Variants in NFKB1 observed in about 807,000 individuals in gnomAD.
NFKB1 encodes nuclear factor NF-kappa-B p105 subunit.
In NFKB1, 9 loss-of-function variants were observed where a neutral mutation model predicts 105.1. That is an observed-to-expected ratio of 0.09 (90% CI 0.05 to 0.15). The LOEUF is 0.15. Among genes scored for constraint, NFKB1 ranks in the 10% least tolerant of loss-of-function variants. NFKB1 has a pLI of 1.00. For synonymous variants in NFKB1, 440 were observed against 442.2 expected (o/e 1.00, Z 0.06); for missense variants, 830 against 1,203.7 (o/e 0.69, Z 4.59).
At chr4:102,569,957 A>G (rs1724192309) in intron 6 of NFKB1, among the ~76,000 whole-genome samples, 2 of 152,122 alleles carry the variant, frequency 1.3e-5, no homozygotes, top group South Asian at 4.1e-4. Flanking sequence ...AATAATAATA[A>G]TAATCTTAGT....
intron 6 of NFKB1, among the ~76,000 whole-genome samples, chr4:102,573,308 CA>C (rs957997459): frequency 6.6e-6 from 1 of 150,592 alleles, no homozygotes; most frequent in African/African-American, 2.4e-5. Context: ...AACTCCGTCT[CA>C]AAAAAAAAGA....
intron 9 of NFKB1, 61 bp downstream of exon 9, chr4:102,580,700 A>G: frequency 7.4e-7 from 1 of 1,347,048 alleles, no homozygotes; most frequent in South Asian, 1.2e-5. Context: ...TACAGTTCTG[A>G]GTGTGTCTGT....
chr4:102,561,136 G>C (rs1024117643), intron 5 of NFKB1, among the ~76,000 whole-genome samples: 2 of 152,090 alleles, frequency 1.3e-5, no homozygotes, highest in African/African-American at 4.8e-5. Flanking sequence ...TATCTTATTT[G>C]GTAAAGGTCA....
At chr4:102,554,494 A>G (rs1031741530) in intron 5 of NFKB1, among the ~76,000 whole-genome samples, 2 of 152,138 alleles carry the variant, frequency 1.3e-5, no homozygotes, top group Admixed American at 6.5e-5. Flanking sequence ...CAGACTCTCT[A>G]TAAACTGTGC....
chr4:102,529,797 A>T, intron 2 of NFKB1, 39 bp from the exon 3 acceptor site: 1 of 1,456,762 alleles, frequency 6.9e-7, no homozygotes, highest in Non-Finnish European at 9.4e-7. Context: ...TAATATAGGA[A>T]AAATAATGAT....
chr4:102,514,449 G>A (rs1459106351), intron 1 of NFKB1, among the ~76,000 whole-genome samples: 2 of 152,002 alleles, frequency 1.3e-5, no homozygotes, highest in African/African-American at 2.4e-5. Context: ...TTGCCTTTCC[G>A]CCCTCTGCCA....
At chr4:102,612,312 CAAGTA>C in intron 21 of NFKB1, 117 bp from the exon 22 acceptor site, 1 of 1,093,156 alleles carries the variant, frequency 9.1e-7, no homozygotes, top group South Asian at 1.5e-5. Context: ...CTTTGACCTT[CAAGTA>C]GAGTAGCTTG....
At chr4:102,512,312 T>G (rs193171500) in intron 1 of NFKB1, among the ~76,000 whole-genome samples, 1 of 152,314 alleles carries the variant, frequency 6.6e-6, no homozygotes, top group Admixed American at 6.5e-5. Flanking sequence ...CCCACTCAGT[T>G]TATACATTGA....
chr4:102,513,396 C>T (rs181763866), intron 1 of NFKB1, among the ~76,000 whole-genome samples: 1 of 152,270 alleles, frequency 6.6e-6, no homozygotes, highest in Admixed American at 6.5e-5. Context: ...ATAAATTTTA[C>T]TTGAGTATGA....
chr4:102,560,043 A>G lies in NFKB1; in HGVS notation c.259-6944A>G, dbSNP rs146696861. On this transcript the variant is annotated intron_variant, in intron 5 of 23. Coordinates refer to ENST00000226574, the MANE Select transcript of NFKB1 (RefSeq NM_003998.4). ...CTGTTTAAAAATCCACACAACTGGC[A>G]AAAAAAAGTGACATACATGAACATT... Among the ~76,000 whole-genome samples the G allele has an allele frequency of 7.2e-5, 11 of 151,894 alleles. No individual in the cohort carries two copies. The East Asian group carries it at 2.1e-3, about 29-fold the overall frequency.
At chr4:102,582,274 A>G (rs918954525) in intron 9 of NFKB1, among the ~76,000 whole-genome samples, 15 of 152,016 alleles carry the variant, frequency 9.9e-5, no homozygotes, top group Non-Finnish European at 1.6e-4. Flanking sequence ...TATACTGTCT[A>G]TGTTAAAATC....
At chr4:102,534,354 A>G (rs939987556) in intron 4 of NFKB1, among the ~76,000 whole-genome samples, 1 of 152,110 alleles carries the variant, frequency 6.6e-6, no homozygotes, top group South Asian at 2.1e-4. Context: ...GGAACATGTA[A>G]CCTAACATAC....
chr4:102,598,193 C>T (rs116673049), intron 15 of NFKB1, among the ~76,000 whole-genome samples: 415 of 152,316 alleles, frequency 2.7e-3, no homozygotes, highest in Non-Finnish European at 4.3e-3. Flanking sequence ...ACTGCTCCAG[C>T]CCATATGTGG....
rs1291349230 is a variant in NFKB1, at chr4:102,617,161, TG to T, written c.*569del. ...ACATGGTTACAATCATTGCTGAAAA[TG>T]GTATTTTCCCCCTTTTCTGCATTTT... On this transcript the variant is annotated 3_prime_UTR_variant, in exon 24 of 24. Transcript: ENST00000226574. The T allele has an allele frequency of 2.0e-5, 3 of 146,504 alleles. No individual in the cohort carries two copies. The highest frequency in any genetic ancestry group is 7.6e-5 in the African/African-American group (3 of 39,498). 9.1% of individuals were successfully genotyped at this position (146,504 alleles called of 1,614,324 possible).
At position 102,596,277 on chromosome 4, in the gene NFKB1, T is replaced by C. The variant is rs943279926; in HGVS notation, c.1440T>C (p.Gly480=). 5 of 1,613,540 alleles carry C rather than the reference T, an allele frequency of 3.1e-6. No individual in the cohort carries two copies. The Middle Eastern group carries it at 4.9e-4, about 159-fold the overall frequency. ...CCAGCGAGGCCACCGTTGGGAATGG[T>C]GAGGTCACTCTAACGTATGCAACAG... ...QEPSEATVGN[G]EVTLTYATGT... is the part of the protein sequence containing the mutation. The change falls in exon 14 of 24, where the codon GGT becomes GGC. Residue 480 remains glycine (G), a synonymous_variant. Transcript: ENST00000226574.
Position 102,551,369 on chromosome 4 carries a change from C to T in NFKB1, c.258+13413C>T, listed in dbSNP as rs199870243. ...ATTGGTGTGTGTGTGTGTGTGTGTG[C>T]GCGCGCGCATGTGTGTGTGTGTGTG... On this transcript the variant is annotated intron_variant, in intron 5 of 23. Transcript: ENST00000226574. 5.8e-5 allele frequency among the ~76,000 whole-genome samples: 5 copies of T among 85,580 alleles called. No individual in the cohort carries two copies. In the East Asian group the frequency reaches 9.7e-4, roughly 17 times the overall value. The allele number at this position is 85,580 out of a possible 152,430, so 56.1% of individuals were successfully genotyped here.
At chr4:102,532,383 C>G (rs1022074764) in intron 3 of NFKB1, among the ~76,000 whole-genome samples, 1 of 152,160 alleles carries the variant, frequency 6.6e-6, no homozygotes, top group African/African-American at 2.4e-5. Flanking sequence ...AATCCCAGCA[C>G]TTTGGGAGGC....
chr4:102,540,854 T>C (rs1271916882), intron 5 of NFKB1, among the ~76,000 whole-genome samples: 1 of 152,130 alleles, frequency 6.6e-6, no homozygotes, highest in African/African-American at 2.4e-5. Context: ...GACCTTTAAG[T>C]TTACAAAGGA....
intron 1 of NFKB1, among the ~76,000 whole-genome samples, chr4:102,515,527 A>G (rs1380580835): frequency 2.0e-5 from 3 of 152,108 alleles, no homozygotes; most frequent in Non-Finnish European, 4.4e-5. Context: ...TCCTTTGAAT[A>G]AATCAAGTTT....
Sources: allele counts gnomAD v4.1 joint callset (sites outside exome capture counted in the v4.1 genomes callset), GRCh38; gene constraint gnomAD v4.1.1; transcripts MANE v1.5; gene names NCBI Gene and HGNC (gene_info 2026-07-23, HGNC 2026-07-21).